The following AFG1L variants were observed in gnomAD, a reference collection of about 807,000 sequenced individuals.
The protein encoded by AFG1L is AFG1-like ATPase.
Under a neutral mutation model 62.2 loss-of-function variants are expected in AFG1L, and 53 were observed. The observed-to-expected ratio is 0.85, with a 90% CI of 0.68 to 1.07. The LOEUF is 1.07. Ranked by LOEUF, AFG1L falls within the 50% of genes least tolerant of loss-of-function variation. AFG1L has a pLI of 0.00. For synonymous variants in AFG1L, 228 were observed against 210.3 expected, an observed-to-expected ratio of 1.08 and a Z score of -0.73; for missense variants, 555 against 590.5, an observed-to-expected ratio of 0.94 and a Z score of 0.62.
chr6:108,507,045 T>G (rs2114890086), intron 10 of AFG1L, among the ~76,000 whole-genome samples: 1 of 152,314 alleles, frequency 6.6e-6, no homozygotes, highest in Non-Finnish European at 1.5e-5. Flanking sequence ...ACTTCCTTCT[T>G]TGATAAATAC....
intron 8 of AFG1L, among the ~76,000 whole-genome samples, chr6:108,464,924 A>G (rs957776712): frequency 1.3e-5 from 2 of 152,244 alleles, no homozygotes; most frequent in Non-Finnish European, 2.9e-5. Flanking sequence ...ACTTTATAGT[A>G]GCATCCCACT....
At chr6:108,374,589 T>A (rs1269755014) in intron 6 of AFG1L, among the ~76,000 whole-genome samples, 2 of 151,728 alleles carry the variant, frequency 1.3e-5, no homozygotes, top group Non-Finnish European at 2.9e-5. Context: ...GAATAGGGAG[T>A]CCTTTCCCCA....
In AFG1L at chr6:108,323,679, ATT is replaced by A. The variant is rs921987270; in HGVS notation, c.140-142_140-141del. On this transcript the variant is annotated intron_variant, in intron 1 of 12. Transcript: ENST00000368977. ...CCTGGCTGAAAATGTATTTTATATT[ATT>A]TTTATCAAAATGACATTTACAAAAA... 9.9e-6 allele frequency: 6 copies of A among 608,186 alleles called. No homozygotes were observed. The African/African-American group carries it at 1.1e-4, about 11-fold the overall frequency. The allele number at this position is 608,186 out of a possible 1,614,324, so 37.7% of individuals were successfully genotyped here.
intron 8 of AFG1L, among the ~76,000 whole-genome samples, chr6:108,453,913 T>C (rs1302995279): frequency 1.3e-5 from 2 of 152,158 alleles, no homozygotes; most frequent in African/African-American, 4.8e-5. Context: ...CTGTTTCAAT[T>C]CCCACTGAAG....
chr6:108,354,396 C>T (rs933418468), intron 3 of AFG1L, among the ~76,000 whole-genome samples: 2 of 152,006 alleles, frequency 1.3e-5, no homozygotes, highest in African/African-American at 4.8e-5. Context: ...CCTCCGCCTC[C>T]CAGGTTCAAG....
At chr6:108,377,214 C>A (rs573603502) in intron 6 of AFG1L, among the ~76,000 whole-genome samples, 3 of 152,108 alleles carry the variant, frequency 2.0e-5, no homozygotes, top group Admixed American at 6.5e-5. Context: ...CCACTCTTTG[C>A]CTTGTAAGTG....
chr6:108,363,258 C>T (rs2114487250), intron 5 of AFG1L, among the ~76,000 whole-genome samples: 1 of 152,056 alleles, frequency 6.6e-6, no homozygotes, highest in South Asian at 2.1e-4. Context: ...GGTGTGTGTG[C>T]AGGTTTGTTA....
At chr6:108,400,957 C>G (rs1781575056) in intron 6 of AFG1L, among the ~76,000 whole-genome samples, 1 of 147,448 alleles carries the variant, frequency 6.8e-6, no homozygotes, top group Non-Finnish European at 1.5e-5. Flanking sequence ...AACCTTATTA[C>G]TCAATGTTTA....
chr6:108,369,867 C>T (rs1269470637), intron 6 of AFG1L, among the ~76,000 whole-genome samples: 1 of 152,128 alleles, frequency 6.6e-6, no homozygotes, highest in African/African-American at 2.4e-5. Context: ...GCCTCGGCCT[C>T]CCAAAGTGCT....
chr6:108,325,900 C>T (rs146879565), intron 2 of AFG1L, among the ~76,000 whole-genome samples: 1 of 152,056 alleles, frequency 6.6e-6, no homozygotes, highest in Admixed American at 6.6e-5. Context: ...CTCCTGCCTC[C>T]CAAATAGCTG....
intron 10 of AFG1L, among the ~76,000 whole-genome samples, chr6:108,488,981 C>T (rs1460314774): frequency 1.3e-5 from 2 of 152,168 alleles, no homozygotes; most frequent in African/African-American, 4.8e-5. Context: ...TATTGATCAC[C>T]TCTGCAAACT....
rs1554198358 is a variant in AFG1L, at chr6:108,441,712, A to AATATATATAT, written c.808-5492_808-5483dup. ...ATCTGAGGTTTATTTAAAAAAAAAAAATATATATATATATATATAAACTGA... is the reference window on the plus strand; with the variant it reads ...ATCTGAGGTTTATTTAAAAAAAAAAAATATATATATATATATATATATATATATAAACTGA... On this transcript the variant is annotated intron_variant, in intron 7 of 12. Coordinates refer to ENST00000368977, the MANE Select transcript of AFG1L (RefSeq NM_145315.5). Among the ~76,000 whole-genome samples, 624 of 139,460 alleles carry AATATATATAT rather than the reference A, an allele frequency of 4.5e-3. 3 individuals carry two copies. The highest frequency in any genetic ancestry group is 7.5e-3 in the Middle Eastern group (2 of 266). 91.5% of individuals were successfully genotyped at this position (139,460 alleles called of 152,430 possible). A position where few individuals can be genotyped will look rare whatever the true frequency, so the allele number is the denominator to read the frequency against.
chr6:108,434,912 C>G (rs985958967), intron 7 of AFG1L, among the ~76,000 whole-genome samples: 1 of 152,192 alleles, frequency 6.6e-6, no homozygotes, highest in Non-Finnish European at 1.5e-5. Context: ...TTGAAACATT[C>G]TTTCCTACAT....
At chr6:108,505,106 T>C (rs960303751) in intron 10 of AFG1L, among the ~76,000 whole-genome samples, 1 of 151,324 alleles carries the variant, frequency 6.6e-6, no homozygotes, top group African/African-American at 2.4e-5. Flanking sequence ...TTTCTTTTTT[T>C]TTTTTTGAGA....
At chr6:108,384,083 C>CT (rs1216273413) in intron 6 of AFG1L, among the ~76,000 whole-genome samples, 1 of 141,792 alleles carries the variant, frequency 7.1e-6, no homozygotes, top group African/African-American at 2.8e-5. Context: ...AAAAAAAAGG[C>CT]TGGCAGATTC....
intron 1 of AFG1L, among the ~76,000 whole-genome samples, chr6:108,308,410 C>T (rs1777286186): frequency 6.6e-6 from 1 of 152,204 alleles, no homozygotes; most frequent in African/African-American, 2.4e-5. Flanking sequence ...CTTGGCCCCT[C>T]AAAGTGTTGG....
At chr6:108,328,915 T>G (rs1413836170) in intron 2 of AFG1L, among the ~76,000 whole-genome samples, 1 of 152,232 alleles carries the variant, frequency 6.6e-6, no homozygotes, top group Non-Finnish European at 1.5e-5. Context: ...ACTGGGTAGT[T>G]GAAATCTAAT....
At chr6:108,457,661 T>A (rs945121126) in intron 8 of AFG1L, among the ~76,000 whole-genome samples, 1 of 152,124 alleles carries the variant, frequency 6.6e-6, no homozygotes, top group African/African-American at 2.4e-5. Context: ...GTCTTTTAAT[T>A]TACCTACATA....
At chr6:108,358,755 A>G (rs143406886) in intron 5 of AFG1L, among the ~76,000 whole-genome samples, 8 of 152,324 alleles carry the variant, frequency 5.3e-5, no homozygotes, top group South Asian at 2.1e-4. Context: ...GCTGGTCGCG[A>G]ACTCCTCACC....
Sources: gnomAD v4.1 joint callset for allele counts (sites outside exome capture counted in the v4.1 genomes callset) on GRCh38, gnomAD v4.1.1 for gene constraint, MANE v1.5 for transcripts, NCBI Gene and HGNC (gene_info 2026-07-23, HGNC 2026-07-21) for gene names.